ZBTB40: variants seen among roughly 807,000 people sequenced by gnomAD.
ZBTB40 encodes zinc finger and BTB domain containing 40.
A neutral mutation model predicts 117.5 loss-of-function variants in ZBTB40; 60 were observed. The ratio of observed to expected loss-of-function variants is 0.51; its 90% CI spans 0.41 to 0.63. The LOEUF is 0.63. Ranked by LOEUF, ZBTB40 falls within the 30% of genes least tolerant of loss-of-function variation. The pLI is 0.00. For synonymous variants in ZBTB40, 525 were observed against 577.1 expected (o/e 0.91, Z 1.29); for missense variants, 1,287 against 1,498.5 (o/e 0.86, Z 2.33).
At position 22,525,753 on chromosome 1, in the gene ZBTB40, C is replaced by T. The variant is rs756457736; in HGVS notation, c.3526-449C>T. The stretch of plus-strand genomic sequence containing the variant: ...GTGGCCTCCTGGGAAGGCTGTGAGC[C>T]TGCGAGAGGTCCAGAGAGGCTGCCC... On this transcript the variant is annotated intron_variant, in intron 17 of 17. Coordinates refer to ENST00000375647, the MANE Select transcript of ZBTB40 (RefSeq NM_014870.4). 2.6e-5 allele frequency among the ~76,000 whole-genome samples: 4 copies of T among 152,250 alleles called. No individual in the cohort carries two copies. The South Asian group carries it at 8.3e-4, about 32-fold the overall frequency.
chr1:22,434,407 G>A (rs11591062), intron 1 of ZBTB40, among the ~76,000 whole-genome samples: 44,404 of 151,908 alleles, frequency 0.29, 7,948 homozygotes, highest in East Asian at 0.48. Context: ...TGTTATTTGC[G>A]TTTAGACTTT....
chr1:22,475,427 A>G (rs1160763359), intron 1 of ZBTB40, among the ~76,000 whole-genome samples: 1 of 152,228 alleles, frequency 6.6e-6, no homozygotes, highest in African/African-American at 2.4e-5. Context: ...GCAGTTACTT[A>G]TCAGGTGCCT....
intron 9 of ZBTB40, 54 bp from the exon 10 acceptor site, chr1:22,511,125 G>C: frequency 6.5e-7 from 1 of 1,526,846 alleles, no homozygotes; most frequent in Non-Finnish European, 9.0e-7. Flanking sequence ...TGAAAACCAT[G>C]GGGAAAATCT....
upstream of ZBTB40, among the ~76,000 whole-genome samples, chr1:22,449,082 G>A (rs1054938498): frequency 6.6e-6 from 1 of 152,156 alleles, no homozygotes; most frequent in South Asian, 2.1e-4. Flanking sequence ...CCAAAGTGCT[G>A]GGATTACAGG....
At chr1:22,488,033 C>T (rs939740537) in intron 1 of ZBTB40, among the ~76,000 whole-genome samples, 1 of 152,272 alleles carries the variant, frequency 6.6e-6, no homozygotes, top group East Asian at 1.9e-4. Context: ...CCTTTTCCTC[C>T]CATTCTTTTT....
chr1:22,525,394 C>G (rs1159801473), intron 17 of ZBTB40, among the ~76,000 whole-genome samples: 2 of 152,206 alleles, frequency 1.3e-5, no homozygotes, highest in Non-Finnish European at 2.9e-5. Flanking sequence ...CTGGGCTTGG[C>G]TTCCTCACTT....
intron 1 of ZBTB40, among the ~76,000 whole-genome samples, chr1:22,478,874 T>C (rs962284065): frequency 2.0e-5 from 3 of 152,230 alleles, no homozygotes; most frequent in African/African-American, 7.2e-5. Flanking sequence ...CTTGTAACCA[T>C]GACCCAAAAT....
chr1:22,502,951 T>C (rs1456026539), intron 5 of ZBTB40, among the ~76,000 whole-genome samples: 4 of 152,184 alleles, frequency 2.6e-5, no homozygotes, highest in African/African-American at 9.7e-5. Flanking sequence ...ATGACACTGC[T>C]AACAGGCTGA....
chr1:22,501,712 G>C, intron 4 of ZBTB40, 28 bp downstream of exon 4: 1 of 1,607,972 alleles, frequency 6.2e-7, no homozygotes, highest in South Asian at 1.1e-5. Context: ...GCATTGGAAT[G>C]GCAGGGTTTT....
At position 22,468,643 on chromosome 1, in the gene ZBTB40, CTTTTTTTTTTTT is replaced by C. The variant is rs71020424; in HGVS notation, c.-70+16657_-70+16668del. Among the ~76,000 whole-genome samples, 4 of 28,608 alleles carry C rather than the reference CTTTTTTTTTTTT, an allele frequency of 1.4e-4. No individual in the cohort carries two copies. The Admixed American group carries it at 2.6e-3, about 19-fold the overall frequency. 18.8% of individuals were successfully genotyped at this position (28,608 alleles called of 152,430 possible). ...GGCATGTGCCACCATGCCTGGCTGG[CTTTTTTTTTTTT>C]TTTTTTTTTTTTTTTTTAGTTTTTG... On this transcript the variant is annotated intron_variant, in intron 1 of 17. Coordinates refer to ENST00000375647, the MANE Select transcript of ZBTB40 (RefSeq NM_014870.4).
intron 1 of ZBTB40, among the ~76,000 whole-genome samples, chr1:22,430,548 T>C (rs1008382432): frequency 6.6e-6 from 1 of 152,014 alleles, no homozygotes; most frequent in Non-Finnish European, 1.5e-5. Context: ...CACGGCTCAC[T>C]GCAGCCTCAA....
At chr1:22,465,941 G>A (rs1046827673) in intron 1 of ZBTB40, among the ~76,000 whole-genome samples, 3 of 152,190 alleles carry the variant, frequency 2.0e-5, no homozygotes, top group Admixed American at 2.0e-4. Flanking sequence ...TGGATCAGCT[G>A]CCACCATTAT....
At chr1:22,449,776 C>T (rs892860794), upstream of ZBTB40, among the ~76,000 whole-genome samples, 1 of 152,164 alleles carries the variant, frequency 6.6e-6, no homozygotes, top group Non-Finnish European at 1.5e-5. Flanking sequence ...TTGCTCTCTT[C>T]GTTTAGTCCC....
chr1:22,433,456 A>AAAAAAAAAAAAAAAAC (rs1287606502), intron 1 of ZBTB40, among the ~76,000 whole-genome samples: 1 of 139,702 alleles, frequency 7.2e-6, no homozygotes, highest in Admixed American at 7.2e-5. Context: ...AAAAAAAAAA[A>AAAAAAAAAAAAAAAAC]AGACAGCTAA....
At chr1:22,503,318 G>A (rs1412245334) in intron 5 of ZBTB40, among the ~76,000 whole-genome samples, 1 of 150,874 alleles carries the variant, frequency 6.6e-6, no homozygotes, top group Non-Finnish European at 1.5e-5. Context: ...CCAGCTAGCT[G>A]CTAAAATCCT....
chr1:22,485,492 T>C (rs1255461253), intron 1 of ZBTB40, among the ~76,000 whole-genome samples: 1 of 151,904 alleles, frequency 6.6e-6, no homozygotes, highest in Non-Finnish European at 1.5e-5. Flanking sequence ...ATAAATTGTA[T>C]TGTCTATTTT....
At position 22,519,919 on chromosome 1, in the gene ZBTB40, G is replaced by A. The variant is rs545955972; in HGVS notation, c.2834-142G>A. 552 of 809,338 alleles carry A rather than the reference G, an allele frequency of 6.8e-4. 6 individuals carry two copies. In the South Asian group the frequency reaches 7.0e-3, roughly 10 times the overall value. 50.1% of individuals were successfully genotyped at this position (809,338 alleles called of 1,614,324 possible). A position where few individuals can be genotyped will look rare whatever the true frequency, so the allele number is the denominator to read the frequency against. On this transcript the variant is annotated intron_variant, in intron 13 of 17. Transcript: ENST00000375647. The stretch of plus-strand genomic sequence containing the variant: ...CTGCTACACTGATTTCTGATCCTTG[G>A]AGTCTATGACCCTGCCTGTTACGTA...
Position 22,435,743 on chromosome 1 carries a change from T to C in ZBTB40, c.-70+6729T>C, listed in dbSNP as rs1047088280. Among the ~76,000 whole-genome samples the C allele has an allele frequency of 2.6e-5, 4 of 152,180 alleles. No homozygotes were observed. The East Asian group carries it at 7.7e-4, about 29-fold the overall frequency. ...TTCATCACAGTTAAAAACTTCTGCT[T>C]TTGAATGATACCTTATGAAGATGAA... On this transcript the variant is annotated intron_variant, in intron 1 of 8. Coordinates refer to the ZBTB40 transcript ENST00000650433.
chr1:22,507,415 T>A (rs935447660), intron 6 of ZBTB40, among the ~76,000 whole-genome samples: 4 of 152,202 alleles, frequency 2.6e-5, no homozygotes, highest in Admixed American at 1.3e-4. Flanking sequence ...TTCAGATAAT[T>A]TCTTAAGGTT....
Sources: allele counts gnomAD v4.1 joint callset (sites outside exome capture counted in the v4.1 genomes callset), GRCh38; gene constraint gnomAD v4.1.1; transcripts MANE v1.5; gene names NCBI Gene and HGNC (gene_info 2026-07-23, HGNC 2026-07-21).